SDR16C5: variants seen among roughly 807,000 people sequenced by gnomAD.
The protein encoded by SDR16C5 is epidermal retinol dehydrogenase 2.
A neutral mutation model predicts 27.7 loss-of-function variants in SDR16C5; 20 were observed. That is an observed-to-expected ratio of 0.72 (90% CI 0.51 to 1.05). The LOEUF is 1.05. SDR16C5 is among the 50% of genes least tolerant of loss of function. The probability of loss-of-function intolerance (pLI) is 0.00; values close to 1 mark genes in which losing one functional copy is unlikely to be tolerated. For missense variants in SDR16C5, 374 were observed against 366.3 expected, an observed-to-expected ratio of 1.02 and a Z score of -0.17; for synonymous variants, 139 against 132.3, an observed-to-expected ratio of 1.05 and a Z score of -0.35.
At chr8:56,316,647 C>G (rs1264324933) in intron 1 of SDR16C5, among the ~76,000 whole-genome samples, 2 of 152,200 alleles carry the variant, frequency 1.3e-5, no homozygotes, top group Non-Finnish European at 2.9e-5. Context: ...AACCACCACA[C>G]CCAAATTTAA....
In SDR16C5 at chr8:56,316,376, A is replaced by G. The variant is rs770698276; in HGVS notation, c.-14-15T>C. 32 of 1,501,948 alleles carry G rather than the reference A, an allele frequency of 2.1e-5. No individual in the cohort carries two copies. Among genetic ancestry groups the G allele is most frequent in the Non-Finnish European group, 2.9e-5 (31 of 1,080,098 alleles). 93.0% of individuals were successfully genotyped at this position (1,501,948 alleles called of 1,614,324 possible). A position where few individuals can be genotyped will look rare whatever the true frequency, so the allele number is the denominator to read the frequency against. On this transcript the variant is annotated splice_polypyrimidine_tract_variant and intron_variant, in intron 1 of 6. Transcript: ENST00000303749. ...CTGGCTGACACCTGTGAAGAAAGACAGATTCACATGAAGACTTATTTGTCC... is the reference window on the plus strand; with the variant it reads ...CTGGCTGACACCTGTGAAGAAAGACGGATTCACATGAAGACTTATTTGTCC...
At chr8:56,303,475 C>T (rs1479110752) in intron 6 of SDR16C5, among the ~76,000 whole-genome samples, 1 of 152,126 alleles carries the variant, frequency 6.6e-6, no homozygotes, top group African/African-American at 2.4e-5. Context: ...TCTGCCCCCT[C>T]ACCCCACAGG....
intron 1 of SDR16C5, among the ~76,000 whole-genome samples, 186 bp downstream of exon 1, chr8:56,319,873 C>T (rs1815292881): frequency 6.6e-6 from 1 of 152,162 alleles, no homozygotes; most frequent in Non-Finnish European, 1.5e-5. Context: ...GACGCTCAGC[C>T]GTGCGCTACC....
At position 56,319,124 on chromosome 8, in the gene SDR16C5, G is replaced by GAAAA. The variant is rs11372550; in HGVS notation, c.-15+931_-15+934dup. Reference sequence around the variant, plus strand: ...TTGTGTGAAACCTTCGAACAAATTAGAAAAAAAAAAAAAAAAAGGCATTGC... The same window carrying GAAAA: ...TTGTGTGAAACCTTCGAACAAATTAGAAAAAAAAAAAAAAAAAAAAAGGCATTGC... On this transcript the variant is annotated intron_variant, in intron 1 of 6. Transcript: ENST00000303749. Among the ~76,000 whole-genome samples the GAAAA allele has an allele frequency of 6.5e-4, 87 of 134,846 alleles. 1 individual carries two copies. Among genetic ancestry groups the GAAAA allele is most frequent in the South Asian group, 1.2e-3 (5 of 4,110 alleles). The allele number at this position is 134,846 out of a possible 152,430, so 88.5% of individuals were successfully genotyped here. A position where few individuals can be genotyped will look rare whatever the true frequency, so the allele number is the denominator to read the frequency against.
At position 56,316,102 on chromosome 8, in the gene SDR16C5, C is replaced by T; in HGVS notation, c.246G>A (p.Lys82=). 6.2e-7 allele frequency: 1 copy of T among 1,614,162 alleles called. No individual in the cohort carries two copies. ...INKEGNEETC[K]MAREAGATRV... ...TTGTGGCTCCAGCTTCCCGAGCCAT[C>T]TTACATGTTTCCTCATTCCCCTCCT... Residue 82 remains lysine (K), a synonymous_variant, in exon 2 of 7, where the codon AAG becomes AAA. Transcript: ENST00000303749.
At chr8:56,309,437 C>T (rs1317374187) in intron 3 of SDR16C5, 3 of 985,370 alleles carry the variant, frequency 3.0e-6, no homozygotes, top group Non-Finnish European at 3.6e-6. Context: ...ACATTGTTCA[C>T]AGGACATCTG....
At position 56,316,355 on chromosome 8, in the gene SDR16C5, C is replaced by G; in HGVS notation, c.-8G>C. On this transcript the variant is annotated 5_prime_UTR_variant, in exon 2 of 7. Transcript: ENST00000303749. ...TTGCAGGTTGAAAGACATGTTCTGG[C>G]TGACACCTGTGAAGAAAGACAGATT... The G allele has an allele frequency of 6.2e-7, 1 of 1,600,848 alleles. No homozygotes were observed. Among genetic ancestry groups the G allele is most frequent in the South Asian group, 1.1e-5 (1 of 90,654 alleles).
intron 6 of SDR16C5, among the ~76,000 whole-genome samples, chr8:56,305,170 T>C (rs1482688161): frequency 6.6e-6 from 1 of 152,222 alleles, no homozygotes; most frequent in Non-Finnish European, 1.5e-5. Context: ...ATTGTACCCA[T>C]ACCACAAATT....
At chr8:56,309,100 T>C (rs1814960098) in intron 3 of SDR16C5, 73 bp from the exon 4 acceptor site, 4 of 1,169,916 alleles carry the variant, frequency 3.4e-6, no homozygotes, top group South Asian at 2.0e-5. Context: ...TATATACTCA[T>C]TGTGATTAAA....
intron 5 of SDR16C5, 72 bp downstream of exon 5, chr8:56,306,604 A>G (rs551049111): frequency 1.5e-6 from 2 of 1,373,552 alleles, no homozygotes; most frequent in South Asian, 2.9e-5. Context: ...AACAACTTAA[A>G]AAAAAGAACA....
At chr8:56,319,628 G>A (rs960516259) in intron 1 of SDR16C5, among the ~76,000 whole-genome samples, 1 of 152,208 alleles carries the variant, frequency 6.6e-6, no homozygotes, top group African/African-American at 2.4e-5. Context: ...AAACGGGAGG[G>A]CAGACAGACT....
chr8:56,301,751 G>A (rs186491582), intron 6 of SDR16C5, among the ~76,000 whole-genome samples, 178 bp from the exon 7 acceptor site: 1 of 152,140 alleles, frequency 6.6e-6, no homozygotes, highest in Admixed American at 6.5e-5. Flanking sequence ...TATATCCGGG[G>A]ACACTCGCCC....
chr8:56,308,553 G>T (rs1202630135), intron 4 of SDR16C5, among the ~76,000 whole-genome samples: 2 of 152,228 alleles, frequency 1.3e-5, no homozygotes, highest in Admixed American at 1.3e-4. Flanking sequence ...GCAGTGGGGA[G>T]ACCACTTAAA....
At chr8:56,307,426 C>G (rs1814914111) in intron 4 of SDR16C5, among the ~76,000 whole-genome samples, 1 of 152,122 alleles carries the variant, frequency 6.6e-6, no homozygotes, top group Admixed American at 6.5e-5. Flanking sequence ...TTTAATCATA[C>G]CTGTTTTAAC....
Position 56,312,235 on chromosome 8 carries a change from T to TGGA in SDR16C5, c.386_387insTCC (p.Val129_Thr130insPro). 1 of 1,613,462 alleles carries TGGA rather than the reference T, an allele frequency of 6.2e-7. No individual in the cohort carries two copies. The highest frequency in any genetic ancestry group is 8.5e-7 in the Non-Finnish European group (1 of 1,179,330). On this transcript the variant is annotated inframe_insertion, in exon 3 of 7. Coordinates refer to ENST00000303749, the MANE Select transcript of SDR16C5 (RefSeq NM_138969.4). ...GACAGTCAAGGAACTTTTTGCCTGT[T>TGGA]ACGATTCCGGCATTGTTGATTAGGA...
Position 56,301,361 on chromosome 8 carries a change from T to A in SDR16C5, c.*119A>T, listed in dbSNP as rs983939615. 1.5e-6 allele frequency: 1 copy of A among 678,760 alleles called. No homozygotes were observed. Among genetic ancestry groups the A allele is most frequent in the Non-Finnish European group, 2.7e-6 (1 of 372,268 alleles). 42.0% of individuals were successfully genotyped at this position (678,760 alleles called of 1,614,324 possible). On this transcript the variant is annotated 3_prime_UTR_variant, in exon 7 of 7. Coordinates refer to ENST00000303749, the MANE Select transcript of SDR16C5 (RefSeq NM_138969.4). ...GAAAATTCTAGTCCAGATAACAGAA[T>A]AGGAGTGGTACTTGTGGTCTCCAGA...
rs536313048 is a variant in SDR16C5 at position 56,308,848 on chromosome 8, C to T, written c.565+80G>A. 4.7e-5 allele frequency: 44 copies of T among 931,686 alleles called. No individual in the cohort carries two copies. The East Asian group carries it at 1.0e-3, about 22-fold the overall frequency. 57.7% of individuals were successfully genotyped at this position (931,686 alleles called of 1,614,324 possible). On this transcript the variant is annotated intron_variant, in intron 4 of 6. Transcript: ENST00000303749. Reference sequence around the variant, plus strand: ...TATCCTTTATCTTAGGGCATCAAGTCAGTGCTAATTATTCAGAGCTATTGT... The same window carrying T: ...TATCCTTTATCTTAGGGCATCAAGTTAGTGCTAATTATTCAGAGCTATTGT...
chr8:56,315,984 C>G (rs1414790254), intron 2 of SDR16C5, 31 bp downstream of exon 2: 2 of 1,466,092 alleles, frequency 1.4e-6, no homozygotes, highest in African/African-American at 1.4e-5. Context: ...TGATGTGTAT[C>G]AAATTATAAT....
chr8:56,303,883 A>G, intron 6 of SDR16C5: 1 of 691,760 alleles, frequency 1.4e-6, no homozygotes, highest in South Asian at 1.5e-5. Flanking sequence ...GCATTACACG[A>G]ATCTACAAGC....
Sources: gnomAD v4.1 joint callset for allele counts (sites outside exome capture counted in the v4.1 genomes callset) on GRCh38, gnomAD v4.1.1 for gene constraint, MANE v1.5 for transcripts, NCBI Gene and HGNC (gene_info 2026-07-23, HGNC 2026-07-21) for gene names.